The following CDH13 variants were observed in gnomAD, a reference collection of about 807,000 sequenced individuals.
CDH13 encodes the protein cadherin 13.
A neutral mutation model predicts 63.8 loss-of-function variants in CDH13; 24 were observed. The ratio of observed to expected loss-of-function variants is 0.38; its 90% CI spans 0.27 to 0.53. The LOEUF is 0.53. CDH13 is among the 20% of genes least tolerant of loss of function. The probability of loss-of-function intolerance (pLI) is 0.85; values close to 1 mark genes in which losing one functional copy is unlikely to be tolerated. For missense variants in CDH13, 1,049 were observed against 903.1 expected, an observed-to-expected ratio of 1.16 and a Z score of -2.07; for synonymous variants, 503 against 355.3, an observed-to-expected ratio of 1.42 and a Z score of -4.67.
intron 1 of CDH13, among the ~76,000 whole-genome samples, chr16:82,643,022 G>A (rs1909610910): frequency 6.6e-6 from 1 of 152,164 alleles, no homozygotes; most frequent in Admixed American, 6.5e-5. Flanking sequence ...GAGACAGAAA[G>A]CAGATTAGAA....
chr16:83,363,489 T>C (rs1228095759), intron 6 of CDH13, among the ~76,000 whole-genome samples: 1 of 152,196 alleles, frequency 6.6e-6, no homozygotes, highest in East Asian at 1.9e-4. Context: ...GACCACTAAA[T>C]GAAGAAGAAA....
intron 4 of CDH13, among the ~76,000 whole-genome samples, chr16:83,208,839 G>C (rs924449332): frequency 6.6e-6 from 1 of 152,174 alleles, no homozygotes; most frequent in Non-Finnish European, 1.5e-5. Flanking sequence ...GGTTGGATGT[G>C]ACAGGGAAAG....
chr16:83,554,159 T>A (rs1475881895), intron 7 of CDH13, among the ~76,000 whole-genome samples: 2 of 151,772 alleles, frequency 1.3e-5, no homozygotes, highest in Non-Finnish European at 2.9e-5. Context: ...TAAACCAGGG[T>A]ATAGAAATAG....
In CDH13 at chr16:83,215,976, A is replaced by T. The variant is rs192527521; in HGVS notation, c.484-1369A>T. ...TAGTTCTCTTTAGTTGCACATCTACATAAAAAGACCACCCCCCATACTTTG... is the reference window on the plus strand; with the variant it reads ...TAGTTCTCTTTAGTTGCACATCTACTTAAAAAGACCACCCCCCATACTTTG... On this transcript the variant is annotated intron_variant, in intron 4 of 13. Coordinates refer to ENST00000567109, the MANE Select transcript of CDH13 (RefSeq NM_001257.5). Among the ~76,000 whole-genome samples, 15 of 151,588 alleles carry T rather than the reference A, an allele frequency of 9.9e-5. No homozygotes were observed. The East Asian group carries it at 2.9e-3, about 29-fold the overall frequency.
intron 4 of CDH13, among the ~76,000 whole-genome samples, chr16:83,214,369 A>C (rs7186624): frequency 0.99 from 151,138 of 151,940 alleles, 75,175 homozygotes; most frequent in Middle Eastern, 1. Context: ...CACATCAGGT[A>C]AGGAGTTCGA....
At chr16:83,073,378 C>G (rs963165859) in intron 3 of CDH13, among the ~76,000 whole-genome samples, 2 of 127,968 alleles carry the variant, frequency 1.6e-5, no homozygotes, top group South Asian at 2.7e-4. Flanking sequence ...AGAGAGAGAG[C>G]TTTCTTAATT....
At position 82,644,572 on chromosome 16, in the gene CDH13, G is replaced by A. The variant is rs539865690; in HGVS notation, c.45+17435G>A. On this transcript the variant is annotated intron_variant, in intron 1 of 13. Transcript: ENST00000567109. The surrounding 1 kb of genome is among the most constrained non-coding windows in gnomAD (Gnocchi z 5.7). Reference sequence around the variant, plus strand: ...CAGTGCACGAGTTTGGGTGCTGGAAGGGGAGGCTTTATGGAGGCAAAGCTG... The same window carrying A: ...CAGTGCACGAGTTTGGGTGCTGGAAAGGGAGGCTTTATGGAGGCAAAGCTG... Among the ~76,000 whole-genome samples, 2 of 152,200 alleles carry A rather than the reference G, an allele frequency of 1.3e-5. No individual in the cohort carries two copies. Among genetic ancestry groups the A allele is most frequent in the South Asian group, 2.1e-4 (1 of 4,832 alleles).
intron 3 of CDH13, among the ~76,000 whole-genome samples, chr16:83,108,826 C>T (rs1224249608): frequency 2.0e-5 from 3 of 152,154 alleles, no homozygotes; most frequent in Non-Finnish European, 2.9e-5. Flanking sequence ...GGAGAGTCCT[C>T]AGTAAATGAC....
intron 4 of CDH13, among the ~76,000 whole-genome samples, chr16:83,157,999 C>G (rs959369388): frequency 4.6e-5 from 7 of 152,082 alleles, no homozygotes; most frequent in Admixed American, 1.3e-4. Flanking sequence ...CTAGCAGCCC[C>G]CAACCAATGC....
chr16:83,405,359 C>A (rs2092026518), intron 6 of CDH13, among the ~76,000 whole-genome samples: 1 of 152,128 alleles, frequency 6.6e-6, no homozygotes, highest in Non-Finnish European at 1.5e-5. Context: ...AGTTAAGGAT[C>A]TTGATTTAAA....
chr16:83,755,010 G>C (rs1947665680), intron 11 of CDH13, among the ~76,000 whole-genome samples: 1 of 152,026 alleles, frequency 6.6e-6, no homozygotes, highest in African/African-American at 2.4e-5. Flanking sequence ...TGATGAACAA[G>C]AGAAAAATCA....
chr16:83,335,626 G>A (rs1432095231), intron 5 of CDH13, among the ~76,000 whole-genome samples: 4 of 152,104 alleles, frequency 2.6e-5, no homozygotes, highest in Admixed American at 6.5e-5. Context: ...CAAGCAGACG[G>A]CCCAGCGCCA....
chr16:83,677,865 C>T (rs913368086), intron 9 of CDH13, among the ~76,000 whole-genome samples: 1 of 152,072 alleles, frequency 6.6e-6, no homozygotes, highest in African/African-American at 2.4e-5. Context: ...AACGATATCT[C>T]AGAGGGAGGC....
At chr16:83,170,979 T>C (rs1238592901) in intron 4 of CDH13, among the ~76,000 whole-genome samples, 4 of 151,946 alleles carry the variant, frequency 2.6e-5, no homozygotes, top group Admixed American at 1.3e-4. Flanking sequence ...CCCATCAGTC[T>C]TTTTACCCGC....
At chr16:82,717,297 G>A (rs961942823) in intron 1 of CDH13, among the ~76,000 whole-genome samples, 1 of 152,008 alleles carries the variant, frequency 6.6e-6, no homozygotes, top group Non-Finnish European at 1.5e-5. Flanking sequence ...TTAATAAGGT[G>A]TGGTGGTTCG....
intron 2 of CDH13, among the ~76,000 whole-genome samples, chr16:82,893,581 A>G (rs780949647): frequency 5.3e-5 from 8 of 152,232 alleles, no homozygotes; most frequent in Non-Finnish European, 8.8e-5. Flanking sequence ...GCATGCAGGA[A>G]AGTGAACCTC....
intron 6 of CDH13, among the ~76,000 whole-genome samples, chr16:83,384,478 A>G (rs1421187276): frequency 2.0e-5 from 3 of 152,248 alleles, no homozygotes; most frequent in African/African-American, 7.2e-5. Context: ...TACAAGAGGT[A>G]ATGCAAAGAG....
At chr16:82,667,429 G>T (rs1377259364) in intron 1 of CDH13, among the ~76,000 whole-genome samples, 2 of 152,166 alleles carry the variant, frequency 1.3e-5, no homozygotes, top group African/African-American at 4.8e-5. Context: ...ATGTGGTGTG[G>T]GGAGATGAAA....
At chr16:83,654,604 A>G (rs1306588436) in intron 8 of CDH13, among the ~76,000 whole-genome samples, 4 of 152,198 alleles carry the variant, frequency 2.6e-5, no homozygotes, top group Non-Finnish European at 5.9e-5. Flanking sequence ...CATCTGTTTC[A>G]TCAGAGAGCA....
Sources: allele counts gnomAD v4.1 joint callset (sites outside exome capture counted in the v4.1 genomes callset), GRCh38; gene constraint gnomAD v4.1.1; non-coding constraint Gnocchi (gnomAD v3.1); transcripts MANE v1.5; gene names NCBI Gene and HGNC (gene_info 2026-07-23, HGNC 2026-07-21).